DPP10: variants seen among roughly 807,000 people sequenced by gnomAD.
DPP10 encodes the protein dipeptidyl peptidase like 10.
In DPP10, 33 loss-of-function variants were observed where a neutral mutation model predicts 120.9. That is an observed-to-expected ratio of 0.27 (90% CI 0.21 to 0.37). The LOEUF is 0.37. Ranked by LOEUF, DPP10 falls within the 10% of genes least tolerant of loss-of-function variation. The pLI, the probability that DPP10 is intolerant of heterozygous loss-of-function variation, is 1.00. For missense variants in DPP10, 816 were observed against 942.8 expected (o/e 0.87, Z 1.76); for synonymous variants, 337 against 326.1 (o/e 1.03, Z -0.36).
chr2:115,038,258 T>TTTTA (rs80087104), intron 1 of DPP10, among the ~76,000 whole-genome samples: 15,933 of 150,052 alleles, frequency 0.11, 1,079 homozygotes, highest in Non-Finnish European at 0.14. Context: ...TTATTTATTA[T>TTTTA]TTTATTTATT....
chr2:114,972,823 A>G (rs1161098312), intron 1 of DPP10, among the ~76,000 whole-genome samples: 2 of 152,200 alleles, frequency 1.3e-5, no homozygotes, highest in Admixed American at 6.5e-5. Flanking sequence ...TGTGCTGGTT[A>G]TATTGCACTA....
chr2:115,312,282 A>G (rs540625857), intron 2 of DPP10, among the ~76,000 whole-genome samples: 1 of 152,282 alleles, frequency 6.6e-6, no homozygotes, highest in African/African-American at 2.4e-5. Context: ...CTAGAAGATT[A>G]TGTAAATTGA....
chr2:114,880,797 A>T (rs914759518), intron 1 of DPP10, among the ~76,000 whole-genome samples: 1 of 152,206 alleles, frequency 6.6e-6, no homozygotes, highest in African/African-American at 2.4e-5. Context: ...AGTAATATGA[A>T]TGAAACAATG....
chr2:114,499,934 C>T (rs1007496789), intron 1 of DPP10, among the ~76,000 whole-genome samples: 4 of 152,150 alleles, frequency 2.6e-5, no homozygotes, highest in Admixed American at 6.6e-5. Flanking sequence ...ATCATACAAT[C>T]GCATAGCTTC....
intron 5 of DPP10, among the ~76,000 whole-genome samples, chr2:115,684,654 C>T (rs977995761): frequency 1.3e-5 from 2 of 151,758 alleles, no homozygotes; most frequent in African/African-American, 4.8e-5. Flanking sequence ...GCTTTTGTAT[C>T]CAGAGATACA....
At chr2:114,905,384 T>C (rs112847882) in intron 1 of DPP10, among the ~76,000 whole-genome samples, 3 of 152,302 alleles carry the variant, frequency 2.0e-5, no homozygotes, top group African/African-American at 7.2e-5. Flanking sequence ...TGGTGAGACA[T>C]CTTCACTTCT....
chr2:115,281,747 A>G (rs978171340), intron 1 of DPP10, among the ~76,000 whole-genome samples: 7 of 152,182 alleles, frequency 4.6e-5, no homozygotes, highest in African/African-American at 1.7e-4. Context: ...GGATATAAAT[A>G]TACATGATCA....
At chr2:114,479,242 A>G (rs540807893) in intron 1 of DPP10, among the ~76,000 whole-genome samples, 3 of 152,294 alleles carry the variant, frequency 2.0e-5, no homozygotes, top group African/African-American at 2.4e-5. Flanking sequence ...AGACAAGCTT[A>G]TTCTCAAATT....
At chr2:115,410,652 T>G (rs1213644545) in intron 3 of DPP10, among the ~76,000 whole-genome samples, 1 of 152,056 alleles carries the variant, frequency 6.6e-6, no homozygotes, top group Non-Finnish European at 1.5e-5. Context: ...AATGATATAA[T>G]GGACTGAGGA....
At chr2:115,537,176 C>T (rs2078901441) in intron 5 of DPP10, among the ~76,000 whole-genome samples, 2 of 151,996 alleles carry the variant, frequency 1.3e-5, no homozygotes, top group South Asian at 2.1e-4. Flanking sequence ...AAATTTGAAA[C>T]ATGTTTTTAG....
chr2:115,031,433 A>G (rs1438887673), intron 1 of DPP10, among the ~76,000 whole-genome samples: 3 of 152,144 alleles, frequency 2.0e-5, no homozygotes, highest in African/African-American at 7.2e-5. Flanking sequence ...TGGATTTGCA[A>G]TCTAATTAAT....
intron 10 of DPP10, among the ~76,000 whole-genome samples, chr2:115,746,864 A>T (rs1243835439): frequency 1.3e-5 from 2 of 152,178 alleles, no homozygotes; most frequent in Non-Finnish European, 2.9e-5. Flanking sequence ...TAGAGATGGG[A>T]TAGGCAGCTG....
intron 1 of DPP10, among the ~76,000 whole-genome samples, chr2:115,018,377 T>C (rs1276213761): frequency 6.6e-6 from 1 of 152,172 alleles, no homozygotes; most frequent in East Asian, 1.9e-4. Context: ...CAAAGGATTA[T>C]AAATCATTCT....
intron 1 of DPP10, among the ~76,000 whole-genome samples, chr2:114,977,001 A>G (rs1284748300): frequency 6.6e-6 from 1 of 152,078 alleles, no homozygotes; most frequent in East Asian, 1.9e-4. Context: ...AATTCCATCT[A>G]TGCCAGCAGC....
intron 1 of DPP10, among the ~76,000 whole-genome samples, chr2:114,635,472 T>C (rs1306297914): frequency 6.6e-6 from 1 of 151,960 alleles, no homozygotes; most frequent in African/African-American, 2.4e-5. Flanking sequence ...GAATAAGGCA[T>C]ACTGTGTGAT....
chr2:115,436,589 A>T (rs560186792), intron 3 of DPP10, among the ~76,000 whole-genome samples: 1 of 151,910 alleles, frequency 6.6e-6, no homozygotes, highest in Non-Finnish European at 1.5e-5. Flanking sequence ...GACATAATCA[A>T]TCAACCACTT....
At chr2:115,571,972 C>T (rs1214836302) in intron 5 of DPP10, among the ~76,000 whole-genome samples, 1 of 152,008 alleles carries the variant, frequency 6.6e-6, no homozygotes, top group Non-Finnish European at 1.5e-5. Flanking sequence ...ACAATTACAT[C>T]ACTCAATTTA....
At chr2:115,328,086 G>T (rs530453660) in intron 2 of DPP10, among the ~76,000 whole-genome samples, 1 of 152,074 alleles carries the variant, frequency 6.6e-6, no homozygotes, top group Admixed American at 6.6e-5. Context: ...ATAAAGACAT[G>T]CAATAAAAAT....
At chr2:115,591,212 T>C (rs1040739174) in intron 5 of DPP10, among the ~76,000 whole-genome samples, 57 of 152,360 alleles carry the variant, frequency 3.7e-4, no homozygotes, top group African/African-American at 1.3e-3. Flanking sequence ...TTTGGTGTTT[T>C]AGTCATGAAG....
Sources: gnomAD v4.1 joint callset for allele counts (sites outside exome capture counted in the v4.1 genomes callset) on GRCh38, gnomAD v4.1.1 for gene constraint, MANE v1.5 for transcripts, NCBI Gene and HGNC (gene_info 2026-07-23, HGNC 2026-07-21) for gene names.